The following RASA3 variants were observed in gnomAD, a reference collection of about 807,000 sequenced individuals.
The protein encoded by RASA3 is RAS p21 protein activator 3.
Under a neutral mutation model 110.0 loss-of-function variants are expected in RASA3, and 73 were observed. The observed-to-expected ratio is 0.66, with a 90% CI of 0.55 to 0.81. RASA3 has a LOEUF of 0.81. RASA3 is among the 30% of genes least tolerant of loss of function. The pLI, the probability that RASA3 is intolerant of heterozygous loss-of-function variation, is 0.00. For synonymous variants in RASA3, 500 were observed against 451.4 expected (o/e 1.11, Z -1.37); for missense variants, 976 against 1,113.2 (o/e 0.88, Z 1.75).
At chr13:114,100,542 G>C (rs1019099656) in intron 1 of RASA3, among the ~76,000 whole-genome samples, 13 of 152,228 alleles carry the variant, frequency 8.5e-5, no homozygotes, top group African/African-American at 3.1e-4. Flanking sequence ...CCCCACGGCT[G>C]GCTGGAAGTT....
At chr13:114,030,889 A>G (rs2054152118) in intron 4 of RASA3, among the ~76,000 whole-genome samples, 2 of 147,890 alleles carry the variant, frequency 1.4e-5, no homozygotes, top group Admixed American at 1.3e-4. Context: ...GTGTGCGTGC[A>G]ACTGTGTGTG....
Position 113,981,816 on chromosome 13 carries a change from T to C in RASA3, c.2288A>G (p.Glu763Gly). Residue 763 changes from glutamate to glycine, a missense_variant, in exon 23 of 24, where the codon GAG becomes GGG. Transcript: ENST00000334062. The part of the protein sequence containing the change: ...SKSVYDGPEQ[E>G]EYSTFVIDDP... ...GTCAATGACGAACGTCGAATACTCC[T>C]CCTGCTCCGGGCCGTCATACACAGA... The C allele has an allele frequency of 6.2e-7, 1 of 1,613,924 alleles. No homozygotes were observed. The highest frequency in any genetic ancestry group is 8.5e-7 in the Non-Finnish European group (1 of 1,179,954).
chr13:114,115,239 T>G lies in RASA3; in HGVS notation c.55+17196A>C, dbSNP rs1023536949. 2.0e-5 allele frequency among the ~76,000 whole-genome samples: 3 copies of G among 152,236 alleles called. No homozygotes were observed. The highest frequency in any genetic ancestry group is 2.9e-5 in the Non-Finnish European group (2 of 68,044). ...CCAGCGGTAACATGTTTACGGTCCC[T>G]GTGCCGCCGTGCGGTAGCAGTTTTC... On this transcript the variant is annotated intron_variant, in intron 1 of 23. Coordinates refer to ENST00000334062, the MANE Select transcript of RASA3 (RefSeq NM_007368.4). The surrounding 1 kb of genome is among the most constrained non-coding windows in gnomAD (Gnocchi z 5.0).
At chr13:114,042,543 G>C (rs774634501) in intron 3 of RASA3, among the ~76,000 whole-genome samples, 5 of 152,358 alleles carry the variant, frequency 3.3e-5, no homozygotes, top group Non-Finnish European at 7.3e-5. Context: ...GGTCCCCGCA[G>C]ACCCGGTTCA....
intron 1 of RASA3, among the ~76,000 whole-genome samples, chr13:114,080,065 T>C (rs2079757866): frequency 1.3e-5 from 2 of 152,162 alleles, no homozygotes; most frequent in Non-Finnish European, 2.9e-5. Flanking sequence ...GGAGTGGGGT[T>C]TCCTCTGGGC....
intron 1 of RASA3, among the ~76,000 whole-genome samples, chr13:114,093,244 AGGTGT>A (rs1030790328): frequency 4.9e-4 from 75 of 152,340 alleles, no homozygotes; most frequent in African/African-American, 1.8e-3. Context: ...CTTGTAGGAC[AGGTGT>A]GGTAGTGATG....
At position 114,048,440 on chromosome 13, in the gene RASA3, G is replaced by C. The variant is rs1372794228; in HGVS notation, c.277+3612C>G. 1.3e-5 allele frequency among the ~76,000 whole-genome samples: 2 copies of C among 152,110 alleles called. No homozygotes were observed. On this transcript the variant is annotated intron_variant, in intron 3 of 23. Coordinates refer to ENST00000334062, the MANE Select transcript of RASA3 (RefSeq NM_007368.4). The surrounding 1 kb of genome is among the most constrained non-coding windows in gnomAD (Gnocchi z 4.3). ...AGGGGGACATGGTGCTACCAGAGCC[G>C]GGGCCCAGAGGAAGGTGGAGGCCTA...
At chr13:114,043,837 G>GCCCCCCCCCCCCCCCCGCCT (rs544129523) in intron 3 of RASA3, among the ~76,000 whole-genome samples, 2 of 22,826 alleles carry the variant, frequency 8.8e-5, no homozygotes, top group Non-Finnish European at 1.4e-4. Flanking sequence ...CACTCGCTGA[G>GCCCCCCCCCCCCCCCCGCCT]CCCCCCGCCC....
chr13:113,980,127 C>CCG (rs2052885653), intron 23 of RASA3, among the ~76,000 whole-genome samples: 3 of 146,128 alleles, frequency 2.1e-5, no homozygotes, highest in South Asian at 2.2e-4. Flanking sequence ...TGCACCTCCT[C>CCG]TGTGTGTACC....
At chr13:114,100,537 C>T (rs889364121) in intron 1 of RASA3, among the ~76,000 whole-genome samples, 9 of 152,242 alleles carry the variant, frequency 5.9e-5, no homozygotes, top group Admixed American at 3.9e-4. Context: ...CTGCGCCCCA[C>T]GGCTGGCTGG....
chr13:114,069,932 G>C (rs185900130), intron 2 of RASA3, among the ~76,000 whole-genome samples: 52 of 4,936 alleles, frequency 0.011, no homozygotes, highest in Admixed American at 0.056. Flanking sequence ...GACTGGGGGG[G>C]TGGGAGACTC....
At chr13:114,002,521 A>T in intron 18 of RASA3, among the ~76,000 whole-genome samples, 1 of 152,270 alleles carries the variant, frequency 6.6e-6, no homozygotes, top group Middle Eastern at 3.4e-3. Context: ...GCTCCACGAC[A>T]TGCCGGCCTC....
rs2079083188 is a variant in RASA3 at position 114,048,142 on chromosome 13, C to T, written c.277+3910G>A. Among the ~76,000 whole-genome samples, 1 of 152,034 alleles carries T rather than the reference C, an allele frequency of 6.6e-6. No homozygotes were observed. Among genetic ancestry groups the T allele is most frequent in the African/African-American group, 2.4e-5 (1 of 41,394 alleles). On this transcript the variant is annotated intron_variant, in intron 3 of 23. Coordinates refer to ENST00000334062, the MANE Select transcript of RASA3 (RefSeq NM_007368.4). The surrounding 1 kb of genome is among the most constrained non-coding windows in gnomAD (Gnocchi z 4.3). ...CACCTTGGCTAACACGGTGAAACCC[C>T]GTCTCTACTGAAAATACAAAAAATT...
intron 2 of RASA3, among the ~76,000 whole-genome samples, chr13:114,063,672 A>C (rs1267362044): frequency 2.0e-5 from 3 of 152,226 alleles, no homozygotes; most frequent in Admixed American, 6.5e-5. Flanking sequence ...TGGTGGGAGC[A>C]GCAGGGGTGA....
chr13:114,031,491 T>C (rs867426549), intron 4 of RASA3, among the ~76,000 whole-genome samples: 6 of 151,672 alleles, frequency 4.0e-5, no homozygotes, highest in Admixed American at 6.6e-5. Flanking sequence ...TCTGTGTGTG[T>C]GCGCGACTGT....
intron 1 of RASA3, among the ~76,000 whole-genome samples, chr13:114,126,530 A>T (rs2080452132): frequency 6.6e-6 from 1 of 151,646 alleles, no homozygotes; most frequent in African/African-American, 2.4e-5. Context: ...GTTGAAAGCC[A>T]TCCCTCCCAG....
intron 22 of RASA3, among the ~76,000 whole-genome samples, chr13:113,982,639 T>C (rs11147310): frequency 0.3 from 45,438 of 152,188 alleles, 7,529 homozygotes; most frequent in Non-Finnish European, 0.37. Context: ...CCAGCACCGA[T>C]GCCCTGCAGC....
rs1482797493 is a variant in RASA3, at chr13:114,115,036, A to T, written c.55+17399T>A. ...TTCCCCAGCCCCACCCCCAGCTGTG[A>T]GATGCTGCAGGTTCCCCAGCCCCAC... On this transcript the variant is annotated intron_variant, in intron 1 of 23. Transcript: ENST00000334062. The surrounding 1 kb of genome is among the most constrained non-coding windows in gnomAD (Gnocchi z 5.0). 2.7e-5 allele frequency among the ~76,000 whole-genome samples: 4 copies of T among 150,198 alleles called. No individual in the cohort carries two copies. The highest frequency in any genetic ancestry group is 4.9e-5 in the African/African-American group (2 of 40,726).
chr13:114,029,050 A>G (rs370838447), intron 5 of RASA3, among the ~76,000 whole-genome samples: 1 of 10,514 alleles, frequency 9.5e-5, no homozygotes. Flanking sequence ...CTAAAACGGC[A>G]TCATCCTGGG....
Sources: gnomAD v4.1 joint callset for allele counts (sites outside exome capture counted in the v4.1 genomes callset) on GRCh38, gnomAD v4.1.1 for gene constraint, Gnocchi (gnomAD v3.1) non-coding constraint, MANE v1.5 for transcripts, NCBI Gene and HGNC (gene_info 2026-07-23, HGNC 2026-07-21) for gene names.